IRF2: variants seen among roughly 807,000 people sequenced by gnomAD.
IRF2 encodes interferon regulatory factor 2.
A neutral mutation model predicts 40.6 loss-of-function variants in IRF2; 15 were observed. That is an observed-to-expected ratio of 0.37 (90% CI 0.25 to 0.57). The LOEUF (loss-of-function observed/expected upper bound fraction) is 0.57, where lower values mean the gene tolerates loss of function less well. Among genes scored for constraint, IRF2 ranks in the 20% least tolerant of loss-of-function variants. The pLI is 0.77. For synonymous variants in IRF2, 151 were observed against 165.5 expected (o/e 0.91, Z 0.67); for missense variants, 317 against 455.7 (o/e 0.70, Z 2.77).
intron 1 of IRF2, among the ~76,000 whole-genome samples, chr4:184,431,022 C>T (rs1174003962): frequency 6.6e-6 from 1 of 152,192 alleles, no homozygotes; most frequent in Non-Finnish European, 1.5e-5. Flanking sequence ...GCTAGTCCTA[C>T]AAAGCGCAAA....
intron 1 of IRF2, among the ~76,000 whole-genome samples, chr4:184,473,370 C>G (rs1346146402): frequency 6.8e-6 from 1 of 147,534 alleles, no homozygotes; most frequent in African/African-American, 2.4e-5. Context: ...AGGCCCAGCG[C>G]GCGAGGCCGG....
intron 1 of IRF2, among the ~76,000 whole-genome samples, chr4:184,440,114 T>C (rs925144758): frequency 6.6e-6 from 1 of 152,232 alleles, no homozygotes; most frequent in Non-Finnish European, 1.5e-5. Flanking sequence ...TAGACCTCTC[T>C]GCTGACATTT....
At chr4:184,464,139 A>C (rs150772262) in intron 1 of IRF2, among the ~76,000 whole-genome samples, 96 of 152,252 alleles carry the variant, frequency 6.3e-4, no homozygotes, top group African/African-American at 2.2e-3. Context: ...GACAGCGACC[A>C]TTTAGGACAT....
chr4:184,449,980 G>A (rs1017760840), intron 1 of IRF2, among the ~76,000 whole-genome samples: 2 of 152,146 alleles, frequency 1.3e-5, no homozygotes, highest in African/African-American at 4.8e-5. Flanking sequence ...CTGGTTGTAG[G>A]GGCTAGGTAT....
chr4:184,465,219 G>A (rs1285900731), intron 1 of IRF2, among the ~76,000 whole-genome samples: 2 of 152,212 alleles, frequency 1.3e-5, no homozygotes, highest in Non-Finnish European at 2.9e-5. Context: ...AGCTGTCTGA[G>A]GACAAAGGCT....
In IRF2 at chr4:184,389,083, T is replaced by TA. The variant is rs774586347; in HGVS notation, c.742-18dup. 6.2e-6 allele frequency: 10 copies of TA among 1,610,786 alleles called. No homozygotes were observed. The African/African-American group carries it at 1.1e-4, about 17-fold the overall frequency. On this transcript the variant is annotated splice_polypyrimidine_tract_variant and intron_variant, in intron 8 of 8. Transcript: ENST00000393593. ...TGGCCGCCCCTTTCAAGAAAGTAAT[T>TA]AAGATATGTATTTCCTTCTCCTTCT...
intron 1 of IRF2, among the ~76,000 whole-genome samples, chr4:184,456,634 C>A (rs751565345): frequency 1.3e-5 from 2 of 152,248 alleles, no homozygotes; most frequent in Non-Finnish European, 2.9e-5. Flanking sequence ...GCGGCCCGGT[C>A]CGCCCTCCCT....
rs1025612947 is a variant in IRF2 at position 184,407,356 on chromosome 4, T to C, written c.529+802A>G. The C allele has an allele frequency of 3.0e-5, 22 of 726,078 alleles. 1 individual carries two copies. The South Asian group carries it at 3.3e-4, about 11-fold the overall frequency. The allele number at this position is 726,078 out of a possible 1,614,324, so 45.0% of individuals were successfully genotyped here. ...TAAAGGGAAAGCAGGCTGAGGTCTT[T>C]TGGGCACTATTCCTGTGCATCTGGC... On this transcript the variant is annotated intron_variant, in intron 6 of 8. Coordinates refer to ENST00000393593, the MANE Select transcript of IRF2 (RefSeq NM_002199.4).
At chr4:184,450,597 A>G (rs1285486885) in intron 1 of IRF2, among the ~76,000 whole-genome samples, 2 of 152,206 alleles carry the variant, frequency 1.3e-5, no homozygotes, top group Non-Finnish European at 2.9e-5. Flanking sequence ...ATTTCCTTTA[A>G]GTCGAGTTTA....
At chr4:184,441,756 G>A (rs900320613) in intron 1 of IRF2, among the ~76,000 whole-genome samples, 4 of 152,218 alleles carry the variant, frequency 2.6e-5, no homozygotes, top group African/African-American at 9.7e-5. Context: ...TTCTAAGCAC[G>A]TTAAGAGGAT....
chr4:184,456,608 G>A (rs901163949), intron 1 of IRF2, among the ~76,000 whole-genome samples: 4 of 152,250 alleles, frequency 2.6e-5, no homozygotes, highest in African/African-American at 9.6e-5. Context: ...CACACACCCG[G>A]CTGACGCGCT....
intron 1 of IRF2, among the ~76,000 whole-genome samples, chr4:184,442,597 A>G (rs899353308): frequency 3.3e-5 from 5 of 152,192 alleles, no homozygotes; most frequent in Non-Finnish European, 7.3e-5. Flanking sequence ...TCACATTAAC[A>G]TTTATTTAAG....
intron 7 of IRF2, among the ~76,000 whole-genome samples, chr4:184,391,923 G>T (rs185670897): frequency 4.6e-5 from 7 of 152,266 alleles, no homozygotes. Context: ...GTGAGTGAGA[G>T]GGTACATGGG....
intron 1 of IRF2, among the ~76,000 whole-genome samples, chr4:184,439,279 A>C (rs1012729000): frequency 6.0e-5 from 9 of 150,426 alleles, no homozygotes; most frequent in African/African-American, 2.0e-4. Flanking sequence ...CCACTATCCC[A>C]AAACTGCCTT....
At chr4:184,442,504 A>G (rs915115226) in intron 1 of IRF2, among the ~76,000 whole-genome samples, 1 of 152,174 alleles carries the variant, frequency 6.6e-6, no homozygotes, top group Non-Finnish European at 1.5e-5. Flanking sequence ...TGCCCAGCCC[A>G]TAACCGATTA....
chr4:184,433,393 A>G (rs1404214022), intron 1 of IRF2, among the ~76,000 whole-genome samples: 1 of 152,150 alleles, frequency 6.6e-6, no homozygotes, highest in Non-Finnish European at 1.5e-5. Flanking sequence ...CATTTTGGCC[A>G]TTCTGATAGA....
At position 184,413,195 on chromosome 4, in the gene IRF2, A is replaced by C; in HGVS notation, c.412-4920T>G. ...TCCACAGCAGTCTCTCCTGCCTCCC[A>C]CTCCTTCCCATCCCGGTGAGAAAGG... On this transcript the variant is annotated intron_variant, in intron 5 of 8. Transcript: ENST00000393593. The surrounding 1 kb of genome is among the most constrained non-coding windows in gnomAD (Gnocchi z 4.2). Among the ~76,000 whole-genome samples the C allele has an allele frequency of 6.6e-6, 1 of 151,178 alleles. No individual in the cohort carries two copies. Among genetic ancestry groups the C allele is most frequent in the Non-Finnish European group, 1.5e-5 (1 of 67,772 alleles).
rs1007911426 is a variant in IRF2, at chr4:184,413,960, G to A, written c.411+4207C>T. 1.2e-4 allele frequency among the ~76,000 whole-genome samples: 19 copies of A among 152,238 alleles called. No individual in the cohort carries two copies. Among genetic ancestry groups the A allele is most frequent in the African/African-American group, 4.6e-4 (19 of 41,466 alleles). The stretch of plus-strand genomic sequence containing the variant: ...TGCCCCTAGTGCTGCGGAAGGACCA[G>A]TTTGACCCTGTCCACCCCTCAAGGC... On this transcript the variant is annotated intron_variant, in intron 5 of 8. Transcript: ENST00000393593. The surrounding 1 kb of genome is among the most constrained non-coding windows in gnomAD (Gnocchi z 4.2).
chr4:184,392,837 A>T (rs577333501), intron 7 of IRF2, among the ~76,000 whole-genome samples: 67 of 152,204 alleles, frequency 4.4e-4, no homozygotes, highest in African/African-American at 1.5e-3. Context: ...AACCTGAGTG[A>T]TCGCGGTGGG....
Sources: allele counts gnomAD v4.1 joint callset (sites outside exome capture counted in the v4.1 genomes callset), GRCh38; gene constraint gnomAD v4.1.1; non-coding constraint Gnocchi (gnomAD v3.1); transcripts MANE v1.5; gene names NCBI Gene and HGNC (gene_info 2026-07-23, HGNC 2026-07-21).